Variants in CSRP3 observed in about 807,000 individuals in gnomAD.
CSRP3 encodes cysteine and glycine-rich protein 3.
CSRP3 carries 24 observed loss-of-function variants against 24.3 expected under a neutral mutation model. That is an observed-to-expected ratio of 0.99 (90% confidence interval 0.71 to 1.39). CSRP3 has a LOEUF of 1.39. Ranked by LOEUF, CSRP3 falls within the 40% of genes most tolerant of loss-of-function variation. The pLI is 0.00. For synonymous variants in CSRP3, 105 were observed against 94.0 expected (o/e 1.12, Z -0.68); for missense variants, 240 against 249.0 (o/e 0.96, Z 0.24).
rs1199649714 is a variant in CSRP3 at position 19,182,890 on chromosome 11, C to G, written c.509-144G>C. ...TGCATAAGTTCGCCAGGCACGGTGG[C>G]TCATGCCTGTAATCCCAGCACTTTG... On this transcript the variant is annotated intron_variant, in intron 5 of 5. Transcript: ENST00000265968. 3 of 710,510 alleles carry G rather than the reference C, an allele frequency of 4.2e-6. No individual in the cohort carries two copies. The African/African-American group carries it at 5.3e-5, about 12-fold the overall frequency. The allele number at this position is 710,510 out of a possible 1,614,324, so 44.0% of individuals were successfully genotyped here. A position where few individuals can be genotyped will look rare whatever the true frequency, so the allele number is the denominator to read the frequency against.
intron 1 of CSRP3, among the ~76,000 whole-genome samples, chr11:19,195,586 A>G (rs921581061): frequency 6.6e-6 from 1 of 152,228 alleles, no homozygotes; most frequent in South Asian, 2.1e-4. Context: ...AAACAACCTT[A>G]GGTCAAATTT....
intron 3 of CSRP3, among the ~76,000 whole-genome samples, chr11:19,187,588 T>C (rs6483581): frequency 0.16 from 23,810 of 152,228 alleles, 2,146 homozygotes; most frequent in African/African-American, 0.24. Flanking sequence ...TAGGATAATG[T>C]GGCGGGAACT....
intron 4 of CSRP3, 62 bp downstream of exon 4, chr11:19,186,154 T>A: frequency 1.9e-6 from 3 of 1,612,014 alleles, no homozygotes; most frequent in Non-Finnish European, 2.5e-6. Flanking sequence ...TTTTCTCTCA[T>A]TCCTCCCAAA....
intron 2 of CSRP3, among the ~76,000 whole-genome samples, chr11:19,192,055 A>G (rs1325668519): frequency 6.6e-6 from 1 of 152,136 alleles, no homozygotes; most frequent in African/African-American, 2.4e-5. Flanking sequence ...AGTTTTCCCT[A>G]CAGAGAGCAG....
chr11:19,182,295 C>T lies in CSRP3; in HGVS notation c.*375G>A. 1 of 219,332 alleles carries T rather than the reference C, an allele frequency of 4.6e-6. No homozygotes were observed. Among genetic ancestry groups the T allele is most frequent in the Non-Finnish European group, 9.3e-6 (1 of 108,020 alleles). The allele number at this position is 219,332 out of a possible 1,614,324, so 13.6% of individuals were successfully genotyped here. ...TTCCTTTGCGCATTGTTTCTTCCTTCTCACTCCTTTCTCAGTTGACATCCA... is the reference window on the plus strand; with the variant it reads ...TTCCTTTGCGCATTGTTTCTTCCTTTTCACTCCTTTCTCAGTTGACATCCA... On this transcript the variant is annotated 3_prime_UTR_variant, in exon 6 of 6. Coordinates refer to ENST00000265968, the MANE Select transcript of CSRP3 (RefSeq NM_003476.5).
intron 1 of CSRP3, among the ~76,000 whole-genome samples, chr11:19,200,367 C>G (rs1046332254): frequency 2.0e-5 from 3 of 152,164 alleles, no homozygotes; most frequent in African/African-American, 7.2e-5. Flanking sequence ...TTCTGAGTTT[C>G]TATTCTATCA....
At position 19,185,054 on chromosome 11, in the gene CSRP3, C is replaced by G. The variant is rs761203242; in HGVS notation, c.415-9G>C. On this transcript the variant is annotated splice_polypyrimidine_tract_variant and intron_variant, in intron 4 of 5. Transcript: ENST00000265968. ...CAGGTCTTGTGCCAAGGCTGAGGGG[C>G]ACAGAAAAGTTGCATATTTAATGAG... is the stretch of plus-strand genomic sequence containing the variant. The G allele has an allele frequency of 8.7e-6, 14 of 1,610,614 alleles. No individual in the cohort carries two copies. In the African/African-American group the frequency reaches 1.5e-4, roughly 17 times the overall value.
Position 19,191,875 on chromosome 11 carries a change from GC to G in CSRP3, c.112+461del, listed in dbSNP as rs1203818322. Among the ~76,000 whole-genome samples, 3 of 152,180 alleles carry G rather than the reference GC, an allele frequency of 2.0e-5. No individual in the cohort carries two copies. In the East Asian group the frequency reaches 5.8e-4, roughly 29 times the overall value. On this transcript the variant is annotated intron_variant, in intron 2 of 5. Transcript: ENST00000265968. Reference sequence around the variant, plus strand: ...CTTACATACAGAGTTGGCATGTGTTGCCCCCCTGCCTGACATAGGTTCTCTC... The same window carrying G: ...CTTACATACAGAGTTGGCATGTGTTGCCCCCTGCCTGACATAGGTTCTCTC...
rs1850444161 is a variant in CSRP3, at chr11:19,182,125, G to T, written c.*545C>A. On this transcript the variant is annotated 3_prime_UTR_variant, in exon 6 of 6. Transcript: ENST00000265968. ...ACAAAGCCCCACGATAGGACAAAGG[G>T]ATCAACTCTTCAGCAATTTTATTAG... 1 of 159,064 alleles carries T rather than the reference G, an allele frequency of 6.3e-6. No individual in the cohort carries two copies. The allele number at this position is 159,064 out of a possible 1,614,324, so 9.9% of individuals were successfully genotyped here.
chr11:19,189,531 C>T (rs1235510793), intron 2 of CSRP3, among the ~76,000 whole-genome samples: 4 of 152,138 alleles, frequency 2.6e-5, no homozygotes, highest in Admixed American at 1.3e-4. Flanking sequence ...ATCAAATGAT[C>T]CCTATAAGCA....
chr11:19,198,789 C>A (rs1177663413), intron 1 of CSRP3, among the ~76,000 whole-genome samples: 1 of 152,192 alleles, frequency 6.6e-6, no homozygotes, highest in Non-Finnish European at 1.5e-5. Flanking sequence ...GGGCAAGTTG[C>A]TCAAATTCTC....
intron 1 of CSRP3, among the ~76,000 whole-genome samples, chr11:19,201,678 G>A (rs953667620): frequency 5.3e-5 from 8 of 152,294 alleles, no homozygotes; most frequent in Non-Finnish European, 8.8e-5. Context: ...ATTCCACCAC[G>A]TAAGTAGTTT....
At chr11:19,194,820 GTTCA>G (rs998795391) in intron 1 of CSRP3, among the ~76,000 whole-genome samples, 1 of 152,058 alleles carries the variant, frequency 6.6e-6, no homozygotes, top group East Asian at 1.9e-4. Context: ...ACATTCATTC[GTTCA>G]TTCATTCATT....
At chr11:19,201,592 A>G (rs1317152096) in intron 1 of CSRP3, among the ~76,000 whole-genome samples, 2 of 152,260 alleles carry the variant, frequency 1.3e-5, no homozygotes, top group African/African-American at 4.8e-5. Context: ...GGTGGTTGTA[A>G]GACGAGAAGG....
At chr11:19,186,667 T>C (rs1165293405) in intron 3 of CSRP3, among the ~76,000 whole-genome samples, 1 of 152,242 alleles carries the variant, frequency 6.6e-6, no homozygotes, top group African/African-American at 2.4e-5. Context: ...ATTGTTGTTG[T>C]TGTGTTGTTA....
rs529328082 is a variant in CSRP3, at chr11:19,188,904, G to C, written c.113-600C>G. Reference sequence around the variant, plus strand: ...TATTGGCTCAAGCCCCCTGGTTACTGTATATTACCTAATGTAAAGTATCCT... The same window carrying C: ...TATTGGCTCAAGCCCCCTGGTTACTCTATATTACCTAATGTAAAGTATCCT... On this transcript the variant is annotated intron_variant, in intron 2 of 5. Coordinates refer to ENST00000265968, the MANE Select transcript of CSRP3 (RefSeq NM_003476.5). Among the ~76,000 whole-genome samples, 19 of 152,018 alleles carry C rather than the reference G, an allele frequency of 1.2e-4. No individual in the cohort carries two copies. The East Asian group carries it at 3.5e-3, about 28-fold the overall frequency.
At chr11:19,191,183 T>A (rs1266445038) in intron 2 of CSRP3, among the ~76,000 whole-genome samples, 1 of 152,200 alleles carries the variant, frequency 6.6e-6, no homozygotes, top group Non-Finnish European at 1.5e-5. Context: ...AAAATCTCAG[T>A]GAGTACATGG....
At chr11:19,194,348 G>T (rs529189778) in intron 1 of CSRP3, among the ~76,000 whole-genome samples, 21 of 152,240 alleles carry the variant, frequency 1.4e-4, no homozygotes, top group Middle Eastern at 3.4e-3. Flanking sequence ...AGGATCTTCT[G>T]CTAATTCAGT....
intron 5 of CSRP3, among the ~76,000 whole-genome samples, chr11:19,183,000 T>C (rs894422014): frequency 6.6e-6 from 1 of 151,928 alleles, no homozygotes; most frequent in African/African-American, 2.4e-5. Flanking sequence ...CTACTAAAAA[T>C]ACAAGAAATT....
Sources: gnomAD v4.1 joint callset for allele counts (sites outside exome capture counted in the v4.1 genomes callset) on GRCh38, gnomAD v4.1.1 for gene constraint, MANE v1.5 for transcripts, NCBI Gene and HGNC (gene_info 2026-07-23, HGNC 2026-07-21) for gene names.